The following LRP5 variants were observed in gnomAD, a reference collection of about 807,000 sequenced individuals.
LRP5 encodes the protein LDL receptor related protein 5, also known as low-density lipoprotein receptor-related protein 5.
In LRP5, 62 loss-of-function variants were observed where a neutral mutation model predicts 154.1. The ratio of observed to expected loss-of-function variants is 0.40; its 90% confidence interval spans 0.33 to 0.50. LRP5 has a LOEUF of 0.50. Ranked by LOEUF, LRP5 falls within the 20% of genes least tolerant of loss-of-function variation. The probability of loss-of-function intolerance (pLI) is 0.55; values close to 1 mark genes in which losing one functional copy is unlikely to be tolerated. For synonymous variants in LRP5, 966 were observed against 1,011.5 expected (o/e 0.96, Z 0.85); for missense variants, 1,915 against 2,336.7 (o/e 0.82, Z 3.72).
intron 2 of LRP5, among the ~76,000 whole-genome samples, chr11:68,348,663 C>T (rs1311043623): frequency 2.0e-5 from 3 of 151,078 alleles, no homozygotes; most frequent in Admixed American, 1.3e-4. Flanking sequence ...AAAATGAACC[C>T]GTGGGGGTGT....
chr11:68,436,370 T>TTGCTCTTCCTCCCTGGCC (rs1402906211), intron 18 of LRP5, among the ~76,000 whole-genome samples: 3 of 152,078 alleles, frequency 2.0e-5, no homozygotes, highest in Admixed American at 2.0e-4. Context: ...GCGCCCTGGC[T>TTGCTCTTCCTCCCTGGCC]TGCTCTTCCT....
intron 13 of LRP5, among the ~76,000 whole-genome samples, chr11:68,418,576 C>A (rs899372511): frequency 6.6e-5 from 10 of 152,182 alleles, no homozygotes; most frequent in Non-Finnish European, 1.3e-4. Context: ...GTTGTGCTCC[C>A]CATCTGAAGG....
In LRP5 at chr11:68,416,762, G is replaced by T. The variant is rs567369953; in HGVS notation, c.3027+235G>T. 7.2e-5 allele frequency among the ~76,000 whole-genome samples: 11 copies of T among 152,294 alleles called. No homozygotes were observed. The South Asian group carries it at 1.7e-3, about 23-fold the overall frequency. On this transcript the variant is annotated intron_variant, in intron 13 of 22. Transcript: ENST00000294304. ...CCCCGTTGTTTAAGTAGTCATGGTG[G>T]GGTCAGACCCCACAGGACTTTTGTC...
At chr11:68,404,383 G>A (rs991925998) in intron 8 of LRP5, 22 of 518,832 alleles carry the variant, frequency 4.2e-5, no homozygotes, top group African/African-American at 5.7e-5. Flanking sequence ...GACAGAGGAC[G>A]TGATGCTTGC....
intron 1 of LRP5, among the ~76,000 whole-genome samples, chr11:68,331,621 C>T (rs2098602797): frequency 1.3e-5 from 2 of 152,208 alleles, no homozygotes; most frequent in African/African-American, 4.8e-5. Context: ...TTCTTATTTC[C>T]TGCTCCACCC....
At chr11:68,324,185 C>T (rs778701632) in intron 1 of LRP5, among the ~76,000 whole-genome samples, 7 of 152,264 alleles carry the variant, frequency 4.6e-5, no homozygotes, top group Non-Finnish European at 1.0e-4. Flanking sequence ...CCCCCAAGTG[C>T]GGCGTTGCCT....
Position 68,312,655 on chromosome 11 carries a change from C to A in LRP5, c.-60C>A. On this transcript the variant is annotated 5_prime_UTR_variant, in exon 1 of 23. Transcript: ENST00000294304. ...CGCCGGGAGCCGCGCGAGGAGCCGC[C>A]GCCGCCGCGCCATGGAGCCCGAGTG... 3 of 811,064 alleles carry A rather than the reference C, an allele frequency of 3.7e-6. No homozygotes were observed. The highest frequency in any genetic ancestry group is 3.0e-6 in the Non-Finnish European group (2 of 669,692). 50.2% of individuals were successfully genotyped at this position (811,064 alleles called of 1,614,324 possible).
At chr11:68,392,835 C>T (rs628115) in intron 7 of LRP5, among the ~76,000 whole-genome samples, 93,228 of 152,028 alleles carry the variant, frequency 0.61, 29,902 homozygotes, top group South Asian at 0.88. Flanking sequence ...GTTATCAGAA[C>T]CTCATTCCTG....
At chr11:68,340,173 G>A (rs543377068) in intron 1 of LRP5, among the ~76,000 whole-genome samples, 47 of 152,310 alleles carry the variant, frequency 3.1e-4, no homozygotes, top group African/African-American at 9.4e-4. Context: ...CTGGGAGGCC[G>A]AGGTTGCAGT....
rs1264959332 is a variant in LRP5, at chr11:68,353,505, A to G, written c.489-4145A>G. Among the ~76,000 whole-genome samples the G allele has an allele frequency of 6.6e-6, 1 of 152,138 alleles. No individual in the cohort carries two copies. Among genetic ancestry groups the G allele is most frequent in the Non-Finnish European group, 1.5e-5 (1 of 68,018 alleles). On this transcript the variant is annotated intron_variant, in intron 2 of 22. Coordinates refer to ENST00000294304, the MANE Select transcript of LRP5 (RefSeq NM_002335.4). This position sits in a 1 kb window ranked among gnomAD's most constrained non-coding sequence, Gnocchi z 4.5. ...CCGCGGCAGCAACCCCTGCTCGCCA[A>G]ATACTGACTTGAATAGTGGTCCTCA...
the LRP5 span, among the ~76,000 whole-genome samples, chr11:68,304,537 C>T: frequency 1.4e-4 from 22 of 152,214 alleles, no homozygotes; most frequent in African/African-American, 3.6e-4. Context: ...GGGACGGGGC[C>T]GCCACCATCC....
intron 1 of LRP5, among the ~76,000 whole-genome samples, chr11:68,336,819 G>A (rs894853690): frequency 5.9e-5 from 9 of 152,104 alleles, no homozygotes; most frequent in African/African-American, 9.7e-5. Flanking sequence ...ACTTATCGTC[G>A]TAACCATTTG....
chr11:68,429,492 T>C lies in LRP5; in HGVS notation c.3638-83T>C, dbSNP rs2153176170. ...CAGGAGGGCCAGTTCTCATGAGTTC[T>C]CATTTGGCCCCTACCCTCCAGGCTG... On this transcript the variant is annotated intron_variant, in intron 16 of 22. Transcript: ENST00000294304. 1.9e-6 allele frequency: 3 copies of C among 1,580,194 alleles called. No individual in the cohort carries two copies. In the Admixed American group the frequency reaches 5.0e-5, roughly 26 times the overall value.
intron 5 of LRP5, among the ~76,000 whole-genome samples, chr11:68,372,350 A>G (rs2153144257): frequency 7.5e-6 from 1 of 132,966 alleles, no homozygotes; most frequent in East Asian, 2.5e-4. Context: ...GGTGGTGGTG[A>G]GGAGGTGCAG....
At chr11:68,335,365 C>T (rs2098605111) in intron 1 of LRP5, among the ~76,000 whole-genome samples, 1 of 151,964 alleles carries the variant, frequency 6.6e-6, no homozygotes, top group South Asian at 2.1e-4. Context: ...TGAGCCACCG[C>T]ACTCAGCCCA....
rs959596150 is a variant in LRP5, at chr11:68,397,068, C to T, written c.1585-6415C>T. Among the ~76,000 whole-genome samples the T allele has an allele frequency of 1.3e-4, 20 of 152,148 alleles. 1 individual carries two copies. Among genetic ancestry groups the T allele is most frequent in the South Asian group, 4.1e-4 (2 of 4,826 alleles). ...AGCCCTCTTCCTGAGTCTAGAGCCC[C>T]GGGGGTTGGAAGTTCTGGCCCCTGG... On this transcript the variant is annotated intron_variant, in intron 7 of 22. Transcript: ENST00000294304.
At chr11:68,365,727 C>G (rs557158918) in intron 5 of LRP5, 25 bp downstream of exon 5, 2 of 6,356 alleles carry the variant, frequency 3.1e-4, no homozygotes, top group Non-Finnish European at 3.3e-4. Context: ...CGGGACGGGG[C>G]GGGCGGGCGG....
intron 10 of LRP5, 27 bp from the exon 11 acceptor site, chr11:68,411,409 C>T: frequency 6.2e-7 from 1 of 1,605,818 alleles, no homozygotes; most frequent in Non-Finnish European, 8.5e-7. Flanking sequence ...ACTCACTGAG[C>T]CTGCCCTTCT....
intron 1 of LRP5, among the ~76,000 whole-genome samples, chr11:68,328,916 G>T (rs1191084637): frequency 6.6e-6 from 1 of 152,258 alleles, no homozygotes; most frequent in African/African-American, 2.4e-5. Flanking sequence ...GTCCAGTGGG[G>T]CACAGACCTT....
Sources: gnomAD v4.1 joint callset for allele counts (sites outside exome capture counted in the v4.1 genomes callset) on GRCh38, gnomAD v4.1.1 for gene constraint, Gnocchi (gnomAD v3.1) non-coding constraint, MANE v1.5 for transcripts, NCBI Gene and HGNC (gene_info 2026-07-23, HGNC 2026-07-21) for gene names.